SLC25A26: variants seen among roughly 807,000 people sequenced by gnomAD.
SLC25A26 encodes mitochondrial S-adenosylmethionine carrier protein.
Under a neutral mutation model 37.8 loss-of-function variants are expected in SLC25A26, and 36 were observed. That is an observed-to-expected ratio of 0.95 (90% CI 0.73 to 1.26). The LOEUF is 1.26. SLC25A26 is among the 50% of genes most tolerant of loss of function. SLC25A26 has a pLI of 0.00. For missense variants in SLC25A26, 390 were observed against 331.1 expected (o/e 1.18, Z -1.38); for synonymous variants, 129 against 122.5 (o/e 1.05, Z -0.35).
chr3:66,152,970 TC>T (rs2070227824), intron 1 of SLC25A26, among the ~76,000 whole-genome samples: 1 of 152,212 alleles, frequency 6.6e-6, no homozygotes, highest in African/African-American at 2.4e-5. Context: ...AAAATAAGTT[TC>T]CTGGGGCAGG....
chr3:66,362,960 C>T (rs2076744823), intron 7 of SLC25A26, 31 bp downstream of exon 7: 1 of 1,421,722 alleles, frequency 7.0e-7, no homozygotes, highest in Admixed American at 2.1e-5. Flanking sequence ...CTGGGAAAGA[C>T]CAAAGAGGGG....
intron 5 of SLC25A26, among the ~76,000 whole-genome samples, chr3:66,314,244 G>A (rs1031617929): frequency 2.6e-5 from 4 of 151,994 alleles, no homozygotes; most frequent in Admixed American, 6.6e-5. Context: ...AGTATGATAC[G>A]GGCTGTGGGT....
chr3:66,315,536 C>T (rs2075513381), intron 5 of SLC25A26, among the ~76,000 whole-genome samples: 1 of 152,084 alleles, frequency 6.6e-6, no homozygotes, highest in South Asian at 2.1e-4. Flanking sequence ...TGATTTTCTT[C>T]CAATTGTGCG....
intron 7 of SLC25A26, among the ~76,000 whole-genome samples, chr3:66,365,494 C>A (rs1028240358): frequency 1.3e-5 from 2 of 152,110 alleles, no homozygotes; most frequent in African/African-American, 4.8e-5. Context: ...TAAACATAAA[C>A]CATAATGCAG....
chr3:66,210,053 G>A (rs1294559648), intron 1 of SLC25A26, among the ~76,000 whole-genome samples: 1 of 148,016 alleles, frequency 6.8e-6, no homozygotes, highest in African/African-American at 2.5e-5. Flanking sequence ...CCTTCCTGAT[G>A]CACATCAGCT....
chr3:66,282,022 T>TTTTTTG (rs2074360399), intron 5 of SLC25A26, among the ~76,000 whole-genome samples: 1 of 127,244 alleles, frequency 7.9e-6, no homozygotes, highest in African/African-American at 3.1e-5. Flanking sequence ...TTTTTTTTTT[T>TTTTTTG]GAGACGGAGT....
At chr3:66,324,441 T>TA (rs1470555988) in intron 5 of SLC25A26, among the ~76,000 whole-genome samples, 1 of 152,102 alleles carries the variant, frequency 6.6e-6, no homozygotes, top group Non-Finnish European at 1.5e-5. Context: ...TCTTAGGTCT[T>TA]ACAATAGTAA....
chr3:66,162,641 A>G (rs923206677), intron 1 of SLC25A26, among the ~76,000 whole-genome samples: 5 of 152,198 alleles, frequency 3.3e-5, no homozygotes, highest in Non-Finnish European at 7.3e-5. Context: ...GACAATAGGC[A>G]CATGGAGGAA....
At chr3:66,332,448 A>G (rs974577733) in intron 5 of SLC25A26, among the ~76,000 whole-genome samples, 6 of 152,234 alleles carry the variant, frequency 3.9e-5, no homozygotes, top group Admixed American at 1.3e-4. Context: ...GATTGTATAT[A>G]ACTACCATAT....
At chr3:66,269,859 G>T (rs1044862269) in intron 5 of SLC25A26, among the ~76,000 whole-genome samples, 1 of 151,980 alleles carries the variant, frequency 6.6e-6, no homozygotes, top group Non-Finnish European at 1.5e-5. Context: ...CTTATAGTTG[G>T]GTTGTTCCTT....
intron 1 of SLC25A26, among the ~76,000 whole-genome samples, chr3:66,173,693 G>C (rs2106737198): frequency 6.6e-6 from 1 of 152,258 alleles, no homozygotes; most frequent in South Asian, 2.1e-4. Flanking sequence ...AGTTTTACTG[G>C]GGTTTGATTT....
chr3:66,355,807 T>C (rs1043496086), intron 6 of SLC25A26, among the ~76,000 whole-genome samples: 2 of 152,226 alleles, frequency 1.3e-5, no homozygotes, highest in African/African-American at 4.8e-5. Context: ...CTCCTGTCTT[T>C]AATCTGTTAT....
At chr3:66,272,411 G>T (rs1336237407) in intron 5 of SLC25A26, among the ~76,000 whole-genome samples, 1 of 152,080 alleles carries the variant, frequency 6.6e-6, no homozygotes, top group Admixed American at 6.6e-5. Flanking sequence ...TAAGCCTTTA[G>T]ATAGGCGTTA....
intron 5 of SLC25A26, among the ~76,000 whole-genome samples, chr3:66,317,412 C>T (rs529554688): frequency 3.3e-5 from 5 of 152,082 alleles, no homozygotes; most frequent in Non-Finnish European, 5.9e-5. Context: ...CCCTATTCTC[C>T]GGGGCCCCTC....
chr3:66,279,846 A>C (rs1160086369), intron 5 of SLC25A26, among the ~76,000 whole-genome samples: 3 of 152,188 alleles, frequency 2.0e-5, no homozygotes, highest in Non-Finnish European at 4.4e-5. Flanking sequence ...TCCTATTATC[A>C]GTGAATTTTT....
chr3:66,284,969 G>T (rs563142612), intron 5 of SLC25A26, among the ~76,000 whole-genome samples: 39 of 152,222 alleles, frequency 2.6e-4, no homozygotes, highest in African/African-American at 8.4e-4. Context: ...TGGTTTTGGA[G>T]TACAAACATG....
At chr3:66,192,110 T>G (rs1284152365) in intron 1 of SLC25A26, among the ~76,000 whole-genome samples, 1 of 151,056 alleles carries the variant, frequency 6.6e-6, no homozygotes, top group East Asian at 2.0e-4. Context: ...AGGTCAGGAG[T>G]TCGAGACCAG....
At chr3:66,241,036 C>G (rs980864198) in intron 2 of SLC25A26, among the ~76,000 whole-genome samples, 1 of 152,126 alleles carries the variant, frequency 6.6e-6, no homozygotes, top group Non-Finnish European at 1.5e-5. Context: ...CGTGAGCCAC[C>G]GTACCTGGCC....
intron 3 of SLC25A26, 144 bp from the exon 4 acceptor site, chr3:66,261,907 G>T: frequency 1.7e-6 from 1 of 590,004 alleles, no homozygotes; most frequent in Non-Finnish European, 3.0e-6. Context: ...AGAGTTTTAG[G>T]TTAAAAAAAA....
Sources: allele counts gnomAD v4.1 joint callset (sites outside exome capture counted in the v4.1 genomes callset), GRCh38; gene constraint gnomAD v4.1.1; transcripts MANE v1.5; gene names NCBI Gene and HGNC (gene_info 2026-07-23, HGNC 2026-07-21).